Variants in CRACDL observed in about 807,000 individuals in gnomAD.
CRACDL encodes CRACD like, also known as CRACD-like protein.
CRACDL carries 26 observed loss-of-function variants against 70.6 expected under a neutral mutation model. The ratio of observed to expected loss-of-function variants is 0.37; its 90% CI spans 0.27 to 0.51. CRACDL has a LOEUF of 0.51. Among genes scored for constraint, CRACDL ranks in the 20% least tolerant of loss-of-function variants. The pLI is 0.94. For missense variants in CRACDL, 1,283 were observed against 1,376.9 expected, an observed-to-expected ratio of 0.93 and a Z score of 1.08; for synonymous variants, 618 against 615.2, an observed-to-expected ratio of 1.00 and a Z score of -0.07.
rs1196195186 is a variant in CRACDL, at chr2:98,808,371, T to G, written c.2417-10834A>C. On this transcript the variant is annotated intron_variant, in intron 7 of 9. Transcript: ENST00000397899. ...GGCAGGTCCACCAAATCTGTGGGGG[T>G]GGACTCCCAGGTGACCGCAAGTTGC... Among the ~76,000 whole-genome samples the G allele has an allele frequency of 7.2e-5, 11 of 152,088 alleles. No individual in the cohort carries two copies. The East Asian group carries it at 2.1e-3, about 29-fold the overall frequency.
chr2:98,875,018 C>CACCTGGAGCCCATGT (rs1156969473), intron 1 of CRACDL, among the ~76,000 whole-genome samples: 1 of 152,216 alleles, frequency 6.6e-6, no homozygotes, highest in Non-Finnish European at 1.5e-5. Context: ...ACTTCCCTCC[C>CACCTGGAGCCCATGT]ACCTGGAGCC....
chr2:98,846,756 T>G lies in CRACDL; in HGVS notation c.45A>C (p.Ala15=). The G allele has an allele frequency of 1.2e-6, 2 of 1,614,216 alleles. No homozygotes were observed. Among genetic ancestry groups the G allele is most frequent in the Non-Finnish European group, 8.5e-7 (1 of 1,180,018 alleles). The change falls in exon 2 of 10, where the codon GCA becomes GCC. Residue 15 remains alanine, a synonymous_variant. Coordinates refer to ENST00000397899, the MANE Select transcript of CRACDL (RefSeq NM_207362.3). ...RVMDIKLREA[A]EGLGEDSTGK... ...CTGTGCTGTCCTCCCCAAGGCCTTC[T>G]GCAGCCTCCCGAAGCTTAATGTCCA...
chr2:98,846,752 C>T lies in CRACDL; in HGVS notation c.49G>A (p.Gly17Ser), dbSNP rs1706271337. Residue 17 changes from glycine (G) to serine (S), a missense_variant, in exon 2 of 10, where the codon GGC (glycine) becomes AGC (serine). Around this residue, in one of 2 missense-constraint regions of CRACDL, gnomAD observed 362 missense variants for 495.0 expected, o/e 0.73. Transcript: ENST00000397899. ...TTACCTGTGCTGTCCTCCCCAAGGCCTTCTGCAGCCTCCCGAAGCTTAATG... is the reference window on the plus strand; with the variant it reads ...TTACCTGTGCTGTCCTCCCCAAGGCTTTCTGCAGCCTCCCGAAGCTTAATG... ...MDIKLREAAE[G>S]LGEDSTGKKK... is the part of the protein sequence containing the mutation. 1 of 1,614,094 alleles carries T rather than the reference C, an allele frequency of 6.2e-7. No individual in the cohort carries two copies. The highest frequency in any genetic ancestry group is 1.3e-5 in the African/African-American group (1 of 74,940).
At chr2:98,821,369 A>G (rs1575345408) in intron 7 of CRACDL, among the ~76,000 whole-genome samples, 1 of 152,160 alleles carries the variant, frequency 6.6e-6, no homozygotes, top group African/African-American at 2.4e-5. Context: ...TTGTTTGTAG[A>G]ACGACGTCTC....
chr2:98,861,010 A>G (rs751324112), intron 1 of CRACDL, among the ~76,000 whole-genome samples: 1 of 152,234 alleles, frequency 6.6e-6, no homozygotes, highest in Non-Finnish European at 1.5e-5. Flanking sequence ...ATGAATGGCT[A>G]ATAAGTGCAT....
Position 98,826,984 on chromosome 2 carries a change from C to T in CRACDL, c.726G>A (p.Arg242=). Residue 242 remains arginine, a synonymous_variant, in exon 6 of 10, where the codon CGG becomes CGA. Transcript: ENST00000397899. Reference sequence around the variant, plus strand: ...AAGGAAACCCAATTACCGATGAGAGCCGCCTCATCTTACTCGACCGCTGGT... The same window carrying T: ...AAGGAAACCCAATTACCGATGAGAGTCGCCTCATCTTACTCGACCGCTGGT... ...PRNQRSSKMR[R]LSSRAQSESL... 6.2e-7 allele frequency: 1 copy of T among 1,612,148 alleles called. No individual in the cohort carries two copies.
chr2:98,905,235 G>A (rs1276858267), intron 1 of CRACDL, among the ~76,000 whole-genome samples: 1 of 134,040 alleles, frequency 7.5e-6, no homozygotes, highest in East Asian at 2.1e-4. Flanking sequence ...GGGTGACAGA[G>A]CCAGACTCTG....
chr2:98,867,617 T>C (rs1411628963), intron 1 of CRACDL, among the ~76,000 whole-genome samples: 2 of 152,250 alleles, frequency 1.3e-5, no homozygotes, highest in African/African-American at 4.8e-5. Flanking sequence ...AGCCTTATTT[T>C]AGAAATTCTA....
chr2:98,840,833 T>G (rs901797573), intron 2 of CRACDL: 18 of 152,328 alleles, frequency 1.2e-4, no homozygotes, highest in African/African-American at 4.3e-4. Context: ...TTAGTTATGT[T>G]TTTTGCCTTA....
At chr2:98,917,637 C>G (rs1462471473) in intron 1 of CRACDL, among the ~76,000 whole-genome samples, 2 of 152,224 alleles carry the variant, frequency 1.3e-5, no homozygotes, top group Non-Finnish European at 2.9e-5. Context: ...CTTTTACGAG[C>G]AAATTCCTTT....
chr2:98,872,757 T>C (rs867154785), intron 1 of CRACDL, among the ~76,000 whole-genome samples: 12 of 152,186 alleles, frequency 7.9e-5, no homozygotes, highest in African/African-American at 2.9e-4. Flanking sequence ...GGACCTTCCT[T>C]TGATGAGTAT....
intron 1 of CRACDL, among the ~76,000 whole-genome samples, chr2:98,905,652 A>G (rs2104665394): frequency 6.8e-6 from 1 of 148,028 alleles, no homozygotes; most frequent in African/African-American, 2.5e-5. Context: ...TTTTTGAGAC[A>G]GAGTCTCGTT....
chr2:98,907,946 G>A (rs919310716), intron 1 of CRACDL, among the ~76,000 whole-genome samples: 3 of 152,206 alleles, frequency 2.0e-5, no homozygotes, highest in African/African-American at 7.2e-5. Flanking sequence ...AAAACCTAAT[G>A]TTTCTGCACG....
intron 7 of CRACDL, among the ~76,000 whole-genome samples, 177 bp from the exon 8 acceptor site, chr2:98,797,714 G>C (rs1359028161): frequency 6.6e-6 from 1 of 152,154 alleles, no homozygotes. Flanking sequence ...GAGAGATTAT[G>C]CTCCTCTAGT....
chr2:98,928,275 G>A (rs539953909), intron 1 of CRACDL, among the ~76,000 whole-genome samples: 33 of 152,176 alleles, frequency 2.2e-4, no homozygotes, highest in Admixed American at 3.9e-4. Flanking sequence ...GTATGTTAGC[G>A]CATATACGTA....
chr2:98,898,749 T>C (rs751051453), intron 1 of CRACDL, among the ~76,000 whole-genome samples: 2 of 152,222 alleles, frequency 1.3e-5, no homozygotes, highest in African/African-American at 4.8e-5. Context: ...CATCCCTATG[T>C]GCCTCAAGGA....
At chr2:98,925,198 G>A (rs567087460) in intron 1 of CRACDL, among the ~76,000 whole-genome samples, 1 of 152,330 alleles carries the variant, frequency 6.6e-6, no homozygotes, top group South Asian at 2.1e-4. Context: ...CTTCAAGGAG[G>A]AGGAAGGAGC....
Position 98,794,533 on chromosome 2 carries a change from T to G in CRACDL, c.2888A>C (p.Ter963SerextTer18). The stretch of plus-strand genomic sequence containing the variant: ...ATGCTTTATCAGCACACTGCCCACC[T>G]ATTTTATAATCTGGGGCATGTCACT... ...AWSDMPQIIK[*>S] Residue 963 changes from the stop codon to serine (S), a stop_lost, in exon 10 of 10, where the codon TAG (stop) becomes TCG (serine). Coordinates refer to ENST00000397899, the MANE Select transcript of CRACDL (RefSeq NM_207362.3). The G allele has an allele frequency of 6.2e-7, 1 of 1,613,930 alleles. No individual in the cohort carries two copies. The highest frequency in any genetic ancestry group is 8.5e-7 in the Non-Finnish European group (1 of 1,179,818).
chr2:98,925,905 TATTA>T lies in CRACDL; in HGVS notation c.-11+10029_-11+10032del, dbSNP rs563320284. On this transcript the variant is annotated intron_variant, in intron 1 of 9. Coordinates refer to ENST00000397899, the MANE Select transcript of CRACDL (RefSeq NM_207362.3). ...CACATGCATACACACACACACACTT[TATTA>T]ATTATTTTAAATCACAATATGGGGT... is the stretch of plus-strand genomic sequence containing the variant. 2.4e-4 allele frequency among the ~76,000 whole-genome samples: 36 copies of T among 152,208 alleles called. No homozygotes were observed. The South Asian group carries it at 3.5e-3, about 15-fold the overall frequency.
Sources: gnomAD v4.1 joint callset for allele counts (sites outside exome capture counted in the v4.1 genomes callset) on GRCh38, gnomAD v4.1.1 for gene constraint, gnomAD v4.1.1 regional missense constraint, MANE v1.5 for transcripts, NCBI Gene and HGNC (gene_info 2026-07-23, HGNC 2026-07-21) for gene names.